TMPRSS15: variants seen among roughly 807,000 people sequenced by gnomAD.
The protein encoded by TMPRSS15 is transmembrane serine protease 15.
Under a neutral mutation model 125.3 loss-of-function variants are expected in TMPRSS15, and 128 were observed. That is an observed-to-expected ratio of 1.02 (90% CI 0.89 to 1.18). The LOEUF (loss-of-function observed/expected upper bound fraction) is 1.18, where lower values mean the gene tolerates loss of function less well. Ranked by LOEUF, TMPRSS15 falls within the 50% of genes most tolerant of loss-of-function variation. The pLI is 0.00. For missense variants in TMPRSS15, 1,283 were observed against 1,212.7 expected (o/e 1.06, Z -0.86); for synonymous variants, 446 against 423.2 (o/e 1.05, Z -0.66).
chr21:18,385,369 A>AT (rs549162547), intron 3 of TMPRSS15, among the ~76,000 whole-genome samples: 21 of 151,952 alleles, frequency 1.4e-4, no homozygotes, highest in African/African-American at 3.6e-4. Flanking sequence ...ATAAGCCTCC[A>AT]TTTTTTTTAG....
chr21:18,380,167 TCACA>T lies in TMPRSS15; in HGVS notation c.497-853_497-850del, dbSNP rs34787707. Among the ~76,000 whole-genome samples, 986 of 139,476 alleles carry T rather than the reference TCACA, an allele frequency of 7.1e-3. 7 individuals carry two copies. The highest frequency in any genetic ancestry group is 0.037 in the East Asian group (172 of 4,698). The allele number at this position is 139,476 out of a possible 152,430, so 91.5% of individuals were successfully genotyped here. A position where few individuals can be genotyped will look rare whatever the true frequency, so the allele number is the denominator to read the frequency against. The stretch of plus-strand genomic sequence containing the variant: ...TGATTTGGAGCCGTTTATGGAGATG[TCACA>T]CACACACACACACACACACACACAC... On this transcript the variant is annotated intron_variant, in intron 4 of 24. Transcript: ENST00000284885.
intron 16 of TMPRSS15, among the ~76,000 whole-genome samples, chr21:18,317,980 A>G (rs990187128): frequency 1.3e-5 from 2 of 151,900 alleles, no homozygotes; most frequent in African/African-American, 2.4e-5. Context: ...AATTCATTTC[A>G]CTACCCTGGT....
intron 1 of TMPRSS15, among the ~76,000 whole-genome samples, chr21:18,399,935 A>G (rs2076079943): frequency 6.6e-6 from 1 of 152,142 alleles, no homozygotes; most frequent in Admixed American, 6.6e-5. Flanking sequence ...TACGCTAAAT[A>G]CATTCAAGCT....
Position 18,458,213 on chromosome 21 carries a change from C to A in TMPRSS15, c.10+27586G>T, listed in dbSNP as rs146325118. On this transcript the variant is annotated intron_variant, in intron 1 of 7. Transcript: ENST00000422787. ...CGCCATCTGGAAGGAGCTGTTGGAA[C>A]CTTGTGCATGAATGAAAAAAATAAT... Among the ~76,000 whole-genome samples the A allele has an allele frequency of 5.4e-4, 82 of 152,212 alleles. No homozygotes were observed. In the East Asian group the frequency reaches 0.011, roughly 21 times the overall value.
intron 1 of TMPRSS15, among the ~76,000 whole-genome samples, chr21:18,441,216 C>A (rs532423450): frequency 6.6e-6 from 1 of 151,894 alleles, no homozygotes; most frequent in Admixed American, 6.6e-5. Context: ...TCGCTTGAAC[C>A]TGGGAGGTGG....
intron 1 of TMPRSS15, among the ~76,000 whole-genome samples, chr21:18,423,495 G>A (rs1986314): frequency 0.083 from 12,389 of 148,446 alleles, 590 homozygotes; most frequent in South Asian, 0.13. Flanking sequence ...TGCAAGCTCC[G>A]CCTCCCGGGT....
chr21:18,356,445 A>G (rs1030386017), intron 8 of TMPRSS15, among the ~76,000 whole-genome samples: 4 of 151,768 alleles, frequency 2.6e-5, no homozygotes, highest in Non-Finnish European at 4.4e-5. Context: ...GACATAGAAA[A>G]GAAGTAACCA....
At chr21:18,328,285 A>T (rs1028341128) in intron 15 of TMPRSS15, among the ~76,000 whole-genome samples, 3 of 152,186 alleles carry the variant, frequency 2.0e-5, no homozygotes, top group Non-Finnish European at 4.4e-5. Context: ...AAACTGGTCA[A>T]TTTTTTGAAG....
At chr21:18,477,447 G>T (rs1978901467) in intron 1 of TMPRSS15, 1 of 152,082 alleles carries the variant, frequency 6.6e-6, no homozygotes, top group East Asian at 1.9e-4. Flanking sequence ...TCATACAAAT[G>T]ATAGAGTCCA....
chr21:18,271,618 A>ACTT (rs1439338881), intron 24 of TMPRSS15, among the ~76,000 whole-genome samples: 3 of 150,520 alleles, frequency 2.0e-5, no homozygotes, highest in Non-Finnish European at 4.4e-5. Flanking sequence ...TTTACATTTT[A>ACTT]CTTTAAGGTC....
intron 5 of TMPRSS15, among the ~76,000 whole-genome samples, chr21:18,377,752 G>C (rs2075857847): frequency 6.6e-6 from 1 of 152,060 alleles, no homozygotes; most frequent in Non-Finnish European, 1.5e-5. Flanking sequence ...CCCCATTTCT[G>C]TAGTTTACGT....
At chr21:18,328,049 T>A (rs2075310448) in intron 15 of TMPRSS15, among the ~76,000 whole-genome samples, 1 of 152,098 alleles carries the variant, frequency 6.6e-6, no homozygotes, top group South Asian at 2.1e-4. Context: ...CGAGGCTCCA[T>A]CTCAACAACA....
chr21:18,304,463 C>T (rs1402652908), intron 18 of TMPRSS15, among the ~76,000 whole-genome samples: 1 of 152,132 alleles, frequency 6.6e-6, no homozygotes, highest in Non-Finnish European at 1.5e-5. Flanking sequence ...CAGCCAGGGT[C>T]CTTCACCTCT....
At chr21:18,337,477 GTTTA>G (rs1345808290) in intron 13 of TMPRSS15, among the ~76,000 whole-genome samples, 1 of 152,180 alleles carries the variant, frequency 6.6e-6, no homozygotes, top group Non-Finnish European at 1.5e-5. Context: ...GTAATGGAAT[GTTTA>G]TTCTCTTAAA....
At chr21:18,279,121 G>T in intron 22 of TMPRSS15, 62 bp from the exon 23 acceptor site, 1 of 884,306 alleles carries the variant, frequency 1.1e-6, no homozygotes, top group Non-Finnish European at 1.9e-6. Context: ...AGATTTACAA[G>T]CATTTCTAAC....
chr21:18,327,120 T>TA (rs2075300285), intron 15 of TMPRSS15, among the ~76,000 whole-genome samples: 1 of 152,178 alleles, frequency 6.6e-6, no homozygotes, highest in African/African-American at 2.4e-5. Flanking sequence ...TTCAGCTAAT[T>TA]AAAAAATACA....
intron 7 of TMPRSS15, among the ~76,000 whole-genome samples, chr21:18,362,482 AG>A (rs1412401160): frequency 6.6e-6 from 1 of 152,168 alleles, no homozygotes; most frequent in Non-Finnish European, 1.5e-5. Context: ...GAGACAAAAA[AG>A]TGCAGACGAT....
At chr21:18,393,188 C>T (rs939619904) in intron 3 of TMPRSS15, among the ~76,000 whole-genome samples, 1 of 151,970 alleles carries the variant, frequency 6.6e-6, no homozygotes, top group Non-Finnish European at 1.5e-5. Flanking sequence ...AGTATGATAG[C>T]ACTAGAAAAA....
intron 6 of TMPRSS15, among the ~76,000 whole-genome samples, chr21:18,365,596 T>C (rs2075721873): frequency 7.9e-6 from 1 of 125,804 alleles, no homozygotes; most frequent in Admixed American, 8.3e-5. Flanking sequence ...CCTTCCTTCC[T>C]TCCTTCTTTC....
Sources: gnomAD v4.1 joint callset for allele counts (sites outside exome capture counted in the v4.1 genomes callset) on GRCh38, gnomAD v4.1.1 for gene constraint, MANE v1.5 for transcripts, NCBI Gene and HGNC (gene_info 2026-07-23, HGNC 2026-07-21) for gene names.